ACSM2A: variants seen among roughly 807,000 people sequenced by gnomAD.
ACSM2A encodes acyl-CoA synthetase medium chain family member 2A.
ACSM2A carries 72 observed loss-of-function variants against 76.6 expected under a neutral mutation model. The observed-to-expected ratio is 0.94, with a 90% CI of 0.78 to 1.14. ACSM2A has a LOEUF of 1.14. Among genes scored for constraint, ACSM2A ranks in the 50% most tolerant of loss-of-function variants. ACSM2A has a pLI of 0.00. For synonymous variants in ACSM2A, 249 were observed against 255.9 expected (o/e 0.97, Z 0.26); for missense variants, 684 against 708.5 (o/e 0.97, Z 0.39).
At chr16:20,470,961 G>T (rs1175075479) in intron 4 of ACSM2A, 112 bp from the exon 5 acceptor site, 5 of 1,274,634 alleles carry the variant, frequency 3.9e-6, no homozygotes, top group Non-Finnish European at 5.6e-6. Context: ...CTTGTGAGGT[G>T]GGTCCATCAA....
At chr16:20,471,035 T>G (rs1349603422) in intron 4 of ACSM2A, 38 bp from the exon 5 acceptor site, 24 of 1,611,334 alleles carry the variant, frequency 1.5e-5, no homozygotes, top group South Asian at 5.5e-5. Flanking sequence ...TGGTGTCCAG[T>G]CTAGCTCTGA....
chr16:20,475,043 G>A (rs1700803), intron 6 of ACSM2A, among the ~76,000 whole-genome samples: 11,016 of 150,882 alleles, frequency 0.073, 590 homozygotes, highest in East Asian at 0.19. Flanking sequence ...GTTGCTGGGG[G>A]GTGATCTACT....
Position 20,467,188 on chromosome 16 carries a change from G to A in ACSM2A, c.388+1461G>A, listed in dbSNP as rs551667316. Among the ~76,000 whole-genome samples, 4 of 152,314 alleles carry A rather than the reference G, an allele frequency of 2.6e-5. No individual in the cohort carries two copies. In the South Asian group the frequency reaches 8.3e-4, roughly 32 times the overall value. On this transcript the variant is annotated intron_variant, in intron 3 of 13. Transcript: ENST00000573854. ...TAAAAGAACCTAAAAGGATATCTAT[G>A]TGCCTGAAGTCCAGGCCATAAAAGA...
At chr16:20,465,867 T>C in intron 3 of ACSM2A, 140 bp downstream of exon 3, 1 of 1,429,288 alleles carries the variant, frequency 7.0e-7, no homozygotes. Flanking sequence ...GACATCTCCC[T>C]ACTTCCACTT....
chr16:20,462,195 A>G (rs533987711), intron 2 of ACSM2A, among the ~76,000 whole-genome samples: 1 of 152,286 alleles, frequency 6.6e-6, no homozygotes, highest in African/African-American at 2.4e-5. Context: ...TTCTGGTTAC[A>G]TGACTCCTAA....
At chr16:20,483,286 C>T (rs1009865599) in intron 13 of ACSM2A, 109 bp downstream of exon 13, 3 of 1,509,602 alleles carry the variant, frequency 2.0e-6, no homozygotes, top group African/African-American at 2.9e-5. Context: ...AAAAGTCTTC[C>T]TGGCTGGGCG....
chr16:20,475,873 T>C (rs2013711021), intron 8 of ACSM2A, 100 bp downstream of exon 8: 2 of 1,568,304 alleles, frequency 1.3e-6, no homozygotes, highest in South Asian at 1.2e-5. Flanking sequence ...CATTCATCTA[T>C]TCGAGAAGTA....
intron 9 of ACSM2A, among the ~76,000 whole-genome samples, chr16:20,478,235 G>C (rs1374014849): frequency 6.6e-6 from 1 of 152,184 alleles, no homozygotes; most frequent in Non-Finnish European, 1.5e-5. Context: ...TAAGGTAGCA[G>C]AGTAAATTTG....
intron 6 of ACSM2A, among the ~76,000 whole-genome samples, chr16:20,474,739 G>A (rs186994167): frequency 2.0e-5 from 3 of 152,264 alleles, no homozygotes; most frequent in East Asian, 3.9e-4. Context: ...TGTACATCAT[G>A]GGTTTCCCCT....
At chr16:20,460,391 A>G (rs2012544045) in intron 2 of ACSM2A, 100 bp downstream of exon 2, 2 of 1,487,488 alleles carry the variant, frequency 1.3e-6, no homozygotes, top group East Asian at 2.5e-5. Flanking sequence ...TATTACATGT[A>G]AGGCACTGTA....
chr16:20,482,812 T>G (rs2014157239), intron 12 of ACSM2A: 2 of 382,714 alleles, frequency 5.2e-6, no homozygotes, highest in South Asian at 5.3e-5. Flanking sequence ...CTGTCTCTAT[T>G]GTTATTGGAG....
At chr16:20,464,850 A>G (rs1229940933) in intron 2 of ACSM2A, among the ~76,000 whole-genome samples, 1 of 152,172 alleles carries the variant, frequency 6.6e-6, no homozygotes, top group Non-Finnish European at 1.5e-5. Flanking sequence ...AAAACTCGGG[A>G]GATGGATGGT....
At position 20,465,709 on chromosome 16, in the gene ACSM2A, C is replaced by A; in HGVS notation, c.370C>A (p.Leu124Met). The A allele has an allele frequency of 6.2e-7, 1 of 1,613,566 alleles. No individual in the cohort carries two copies. Among genetic ancestry groups the A allele is most frequent in the Non-Finnish European group, 8.5e-7 (1 of 1,179,782 alleles). The change falls in exon 3 of 14, where the codon CTG (leucine) becomes ATG (methionine). Residue 124 changes from leucine to methionine, a missense_variant. Around this residue, in one of 3 missense-constraint regions of ACSM2A, gnomAD observed 519 missense variants for 549.5 expected, o/e 0.94. Coordinates refer to ENST00000573854, the MANE Select transcript of ACSM2A (RefSeq NM_001308172.2). ...AGTGCCTGAGTGGTGGCTGGTGATC[C>A]TGGGCTGCATTCGAGCAGGTTGGTA... is the stretch of plus-strand genomic sequence containing the variant. ...PRVPEWWLVI[L>M]GCIRAGLIFM...
intron 1 of ACSM2A, among the ~76,000 whole-genome samples, chr16:20,455,253 C>T (rs1377245416): frequency 1.3e-5 from 2 of 150,858 alleles, no homozygotes; most frequent in Non-Finnish European, 3.0e-5. Flanking sequence ...ACTTTCCCAG[C>T]CTTGCTAAAG....
intron 4 of ACSM2A, among the ~76,000 whole-genome samples, chr16:20,470,165 A>G (rs2013295994): frequency 6.6e-6 from 1 of 152,144 alleles, no homozygotes. Flanking sequence ...TGCACACTGG[A>G]AACAACATGA....
chr16:20,483,847 C>T (rs531457538), intron 13 of ACSM2A, among the ~76,000 whole-genome samples: 1 of 152,164 alleles, frequency 6.6e-6, no homozygotes. Flanking sequence ...ATTGAAAAGT[C>T]CAGGGGTGGG....
rs1044593068 is a variant in ACSM2A, at chr16:20,462,676, G to T, written c.177+2385G>T. On this transcript the variant is annotated intron_variant, in intron 2 of 13. Transcript: ENST00000573854. ...GACTCTTTCAGGGGATATGCGAAGG[G>T]TCTATTTTACAATAAAACAGAGAAA... 8.5e-5 allele frequency among the ~76,000 whole-genome samples: 13 copies of T among 152,070 alleles called. 1 individual carries two copies. The highest frequency in any genetic ancestry group is 5.9e-4 in the Admixed American group (9 of 15,256).
At chr16:20,459,706 T>C (rs537528140) in intron 1 of ACSM2A, among the ~76,000 whole-genome samples, 118 of 152,166 alleles carry the variant, frequency 7.8e-4, no homozygotes, top group Non-Finnish European at 9.9e-4. Context: ...TGGATACATA[T>C]TCTTCCTCCT....
chr16:20,474,943 G>T (rs931179521), intron 6 of ACSM2A, among the ~76,000 whole-genome samples: 3 of 152,074 alleles, frequency 2.0e-5, no homozygotes, highest in Admixed American at 2.0e-4. Context: ...GGAAAATAAG[G>T]CTGGAAACAA....
Sources: gnomAD v4.1 joint callset for allele counts (sites outside exome capture counted in the v4.1 genomes callset) on GRCh38, gnomAD v4.1.1 for gene constraint, gnomAD v4.1.1 regional missense constraint, MANE v1.5 for transcripts, NCBI Gene and HGNC (gene_info 2026-07-23, HGNC 2026-07-21) for gene names.